GET3: variants seen among roughly 807,000 people sequenced by gnomAD.
The protein encoded by GET3 is guided entry of tail-anchored proteins factor 3, ATPase, also known as ATPase GET3.
GET3 carries 15 observed loss-of-function variants against 32.4 expected under a neutral mutation model. The observed-to-expected ratio is 0.46, with a 90% confidence interval of 0.31 to 0.71. The LOEUF (loss-of-function observed/expected upper bound fraction) is 0.71, where lower values mean the gene tolerates loss of function less well. GET3 is among the 30% of genes least tolerant of loss of function. The pLI is 0.05. For missense variants in GET3, 333 were observed against 459.0 expected (o/e 0.73, Z 2.51); for synonymous variants, 198 against 185.6 (o/e 1.07, Z -0.54).
At chr19:12,738,467 G>A in intron 1 of GET3, 44 bp from the exon 2 acceptor site, 2 of 1,610,244 alleles carry the variant, frequency 1.2e-6, no homozygotes, top group African/African-American at 1.3e-5. Context: ...AGGGAACAGA[G>A]CCCATCCCCT....
chr19:12,745,746 C>T lies in GET3; in HGVS notation c.596C>T (p.Pro199Leu). ...RLMQIKNQIS[P>L]FISQMCNMLG... ...ATGCAGATCAAGAACCAGATCAGCC[C>T]TTTCATCTCACAGGCAGGCGGCGGG... The change falls in exon 4 of 7, where the codon CCT becomes CTT. Residue 199 changes from proline (P) to leucine (L), a missense_variant. Transcript: ENST00000357332. The surrounding 1 kb of genome is among the most constrained non-coding windows in gnomAD (Gnocchi z 5.0). 3 of 1,608,956 alleles carry T rather than the reference C, an allele frequency of 1.9e-6. No homozygotes were observed. The highest frequency in any genetic ancestry group is 2.5e-6 in the Non-Finnish European group (3 of 1,177,998).
upstream of GET3, chr19:12,737,466 G>T: frequency 6.9e-7 from 1 of 1,448,852 alleles, no homozygotes. Context: ...TAGGTTCTTC[G>T]TATGGTGCGC....
upstream of GET3, chr19:12,737,366 T>C (rs1018148615): frequency 3.1e-5 from 37 of 1,180,868 alleles, no homozygotes; most frequent in African/African-American, 5.1e-4. Context: ...ATAGTGAAAA[T>C]ATAATTTATA....
chr19:12,747,314 G>C lies in GET3; in HGVS notation c.717+10G>C. On this transcript the variant is annotated intron_variant, in intron 5 of 6. Transcript: ENST00000357332. This position sits in a 1 kb window ranked among gnomAD's most constrained non-coding sequence, Gnocchi z 4.0. ...ACAGTTCAAGGACCCTGTGAGTGGT[G>C]GTCTGGCTGGCGGTGAGAGGCCCGG... The C allele has an allele frequency of 6.2e-7, 1 of 1,609,256 alleles. No homozygotes were observed. The highest frequency in any genetic ancestry group is 8.5e-7 in the Non-Finnish European group (1 of 1,176,370).
At chr19:12,743,921 G>A (rs1967720724) in intron 2 of GET3, among the ~76,000 whole-genome samples, 1 of 145,620 alleles carries the variant, frequency 6.9e-6, no homozygotes, top group Admixed American at 6.8e-5. Context: ...AGTAGAGACG[G>A]GGTTTCACCG....
At position 12,748,096 on chromosome 19, in the gene GET3, G is replaced by C. The variant is rs1445538183; in HGVS notation, c.1039G>C (p.Ala347Pro). ...LLLEPYKPPS[A>P]Q is the part of the protein sequence containing the mutation. Reference sequence around the variant, plus strand: ...CCTGGAGCCCTACAAGCCCCCCAGTGCCCAGTAGCACAGCTGCCAGCCCCA... The same window carrying C: ...CCTGGAGCCCTACAAGCCCCCCAGTCCCCAGTAGCACAGCTGCCAGCCCCA... The change falls in exon 7 of 7, where the codon GCC becomes CCC. Residue 347 changes from alanine (A) to proline (P), a missense_variant. Physicochemically the swap from Ala to Pro is conservative, Grantham distance 27. Transcript: ENST00000357332. The C allele has an allele frequency of 6.3e-7, 1 of 1,594,594 alleles. No individual in the cohort carries two copies. Among genetic ancestry groups the C allele is most frequent in the Non-Finnish European group, 8.6e-7 (1 of 1,167,214 alleles).
At chr19:12,741,138 A>G (rs1344497680) in intron 2 of GET3, among the ~76,000 whole-genome samples, 2 of 151,804 alleles carry the variant, frequency 1.3e-5, no homozygotes, top group African/African-American at 4.8e-5. Context: ...CCTAGCCAAG[A>G]TGGTGGAACT....
chr19:12,737,657 C>T lies in GET3; in HGVS notation c.152C>T (p.Thr51Ile). ...GGGGGCAAGGGTGGTGTGGGCAAGA[C>T]CACCTGCAGGTAAGGAGGCTGCGGC... is the stretch of plus-strand genomic sequence containing the variant. Reference protein sequence around the residue: ...FVGGKGGVGKTTCSCSLAVQL... With the variant: ...FVGGKGGVGKITCSCSLAVQL... The change falls in exon 1 of 7, where the codon ACC (threonine) becomes ATC (isoleucine). Residue 51 changes from threonine to isoleucine, a missense_variant. Thr to Ile is a moderately conservative substitution (Grantham distance 89, BLOSUM62 -1). This residue lies in a region of GET3 where 230 missense variants were observed against 389.2 expected (regional missense o/e 0.59). Transcript: ENST00000357332. The T allele has an allele frequency of 6.2e-7, 1 of 1,609,308 alleles. No homozygotes were observed. Among genetic ancestry groups the T allele is most frequent in the Non-Finnish European group, 8.5e-7 (1 of 1,178,566 alleles).
chr19:12,747,712 C>G lies in GET3; in HGVS notation c.915+120C>G, dbSNP rs991741510. The G allele has an allele frequency of 2.1e-5, 27 of 1,302,254 alleles. No homozygotes were observed. The highest frequency in any genetic ancestry group is 2.7e-5 in the Non-Finnish European group (26 of 951,960). 80.7% of individuals were successfully genotyped at this position (1,302,254 alleles called of 1,614,324 possible). On this transcript the variant is annotated intron_variant, in intron 6 of 6. Transcript: ENST00000357332. The surrounding 1 kb of genome is among the most constrained non-coding windows in gnomAD (Gnocchi z 4.0). ...CCTCCTGCCCTTTGCCCCCACATTT[C>G]AGATCCTTCACCCTTATTCCGGCCA... is the stretch of plus-strand genomic sequence containing the variant.
At position 12,747,138 on chromosome 19, in the gene GET3, C is replaced by T. The variant is rs940330271; in HGVS notation, c.610-59C>T. The T allele has an allele frequency of 4.8e-6, 7 of 1,470,114 alleles. No homozygotes were observed. Among genetic ancestry groups the T allele is most frequent in the African/African-American group, 2.9e-5 (2 of 70,150 alleles). The allele number at this position is 1,470,114 out of a possible 1,614,324, so 91.1% of individuals were successfully genotyped here. On this transcript the variant is annotated intron_variant, in intron 4 of 6. Coordinates refer to ENST00000357332, the MANE Select transcript of GET3 (RefSeq NM_004317.4). This position sits in a 1 kb window ranked among gnomAD's most constrained non-coding sequence, Gnocchi z 4.0. ...AGTCATCCCTCGGGTGTTTAGTGAA[C>T]CCCCAACCCAGGAGGTCGCCGCAGG...
chr19:12,746,629 G>A (rs1967776692), intron 4 of GET3, among the ~76,000 whole-genome samples: 1 of 152,208 alleles, frequency 6.6e-6, no homozygotes, highest in South Asian at 2.1e-4. Flanking sequence ...AGCTCATCTG[G>A]TACAACAGAT....
intron 2 of GET3, among the ~76,000 whole-genome samples, chr19:12,741,878 C>T (rs1967675821): frequency 6.6e-6 from 1 of 152,138 alleles, no homozygotes; most frequent in Admixed American, 6.6e-5. Flanking sequence ...GAGATTGTGC[C>T]ACTGTACTCC....
At chr19:12,744,639 A>G (rs1363739120) in intron 2 of GET3, among the ~76,000 whole-genome samples, 1 of 152,126 alleles carries the variant, frequency 6.6e-6, no homozygotes, top group Non-Finnish European at 1.5e-5. Context: ...ATATGTGCTG[A>G]CGACCTCTGT....
intron 2 of GET3, among the ~76,000 whole-genome samples, chr19:12,744,219 GAAAAAA>G (rs59206366): frequency 7.9e-6 from 1 of 126,700 alleles, no homozygotes; most frequent in East Asian, 2.3e-4. Context: ...TCCATCTCGG[GAAAAAA>G]AAAAAAAAAA....
intron 2 of GET3, among the ~76,000 whole-genome samples, chr19:12,741,969 CA>C (rs1967678304): frequency 6.6e-6 from 1 of 152,112 alleles, no homozygotes; most frequent in Non-Finnish European, 1.5e-5. Flanking sequence ...GTTCGGCCCT[CA>C]AGTGCAGTGA....
At chr19:12,746,627 T>A (rs148492814) in intron 4 of GET3, among the ~76,000 whole-genome samples, 43 of 152,354 alleles carry the variant, frequency 2.8e-4, no homozygotes, top group African/African-American at 9.6e-4. Flanking sequence ...TCAGCTCATC[T>A]GGTACAACAG....
At chr19:12,737,705 T>C (rs1219856280) in intron 1 of GET3, 39 bp downstream of exon 1, 1 of 1,573,802 alleles carries the variant, frequency 6.4e-7, no homozygotes, top group Non-Finnish European at 8.6e-7. Context: ...GCGTGTAGGA[T>C]ATACCACTGG....
chr19:12,737,298 G>C, upstream of GET3: 1 of 676,136 alleles, frequency 1.5e-6, no homozygotes, highest in South Asian at 2.5e-5. Context: ...ATTAGGTAGG[G>C]GGAACCCTTG....
intron 4 of GET3, among the ~76,000 whole-genome samples, chr19:12,746,192 G>A (rs1967768138): frequency 6.6e-6 from 1 of 152,136 alleles, no homozygotes; most frequent in South Asian, 2.1e-4. Flanking sequence ...GAGTGCAGTG[G>A]TGCGATCTTG....
Sources: gnomAD v4.1 joint callset for allele counts (sites outside exome capture counted in the v4.1 genomes callset) on GRCh38, gnomAD v4.1.1 for gene constraint, gnomAD v4.1.1 regional missense constraint, Gnocchi (gnomAD v3.1) non-coding constraint, MANE v1.5 for transcripts, NCBI Gene and HGNC (gene_info 2026-07-23, HGNC 2026-07-21) for gene names.